Variants in RRAGB observed in about 807,000 individuals in gnomAD.
The protein encoded by RRAGB is ras-related GTP-binding protein B.
Under a neutral mutation model 29.3 loss-of-function variants are expected in RRAGB, and 6 were observed. The ratio of observed to expected loss-of-function variants is 0.21; its 90% CI spans 0.11 to 0.40. The LOEUF is 0.40. Ranked by LOEUF, RRAGB falls within the 10% of genes least tolerant of loss-of-function variation. The pLI is 1.00. For synonymous variants in RRAGB, 101 were observed against 92.5 expected, an observed-to-expected ratio of 1.09 and a Z score of -0.53; for missense variants, 184 against 272.9, an observed-to-expected ratio of 0.67 and a Z score of 2.29.
chrX:55,725,306 T>A (rs778718561), intron 3 of RRAGB, among the ~76,000 whole-genome samples: 1 of 112,089 alleles, frequency 8.9e-6, no homozygotes, highest in African/African-American at 3.2e-5. Context: ...TCACTGTATC[T>A]CCTTACAGGT....
At chrX:55,754,864 T>C (rs978968433) in intron 7 of RRAGB, among the ~76,000 whole-genome samples, 10 of 111,711 alleles carry the variant, frequency 9.0e-5, no homozygotes, top group African/African-American at 3.3e-4. Context: ...TTGCTTGGAA[T>C]TGTGCTACCC....
chrX:55,739,437 G>A (rs934523652), intron 5 of RRAGB, among the ~76,000 whole-genome samples: 1 of 112,309 alleles, frequency 8.9e-6, no homozygotes, highest in Non-Finnish European at 1.9e-5. Context: ...CCCCACTGGG[G>A]TTTCAGGGTA....
intron 3 of RRAGB, among the ~76,000 whole-genome samples, chrX:55,726,116 G>A (rs1350827224): frequency 5.0e-5 from 5 of 100,867 alleles, no homozygotes; most frequent in Admixed American, 1.1e-4. Flanking sequence ...ACAGAAGAGC[G>A]ATATTTTACA....
In RRAGB at chrX:55,748,948, C is replaced by T. The variant is rs1266436170; in HGVS notation, c.517-2153C>T. On this transcript the variant is annotated intron_variant, in intron 5 of 9. Coordinates refer to ENST00000374941, the MANE Select transcript of RRAGB (RefSeq NM_006064.5). ...CCCCCGCCCGGCCAGCTGCCCCGTC[C>T]GGGAGGGAGGTGGGGGAGTCAGCCC... Among the ~76,000 whole-genome samples the T allele has an allele frequency of 1.2e-4, 11 of 93,064 alleles. No individual in the cohort carries two copies. The East Asian group carries it at 2.9e-3, about 24-fold the overall frequency. 80.8% of individuals were successfully genotyped at this position (93,064 alleles called of 115,157 possible).
At chrX:55,749,224 C>T (rs1477731713) in intron 5 of RRAGB, among the ~76,000 whole-genome samples, 2 of 87,675 alleles carry the variant, frequency 2.3e-5, no homozygotes, top group African/African-American at 4.3e-5. Flanking sequence ...CCGCCCCGTC[C>T]GGGAGGTGAG....
intron 7 of RRAGB, among the ~76,000 whole-genome samples, chrX:55,754,282 G>A (rs1456372014): frequency 8.9e-6 from 1 of 112,277 alleles, no homozygotes; most frequent in Non-Finnish European, 1.9e-5. Flanking sequence ...AGGCATGTTG[G>A]TATTTTTATT....
chrX:55,754,585 T>C (rs780830083), intron 7 of RRAGB, among the ~76,000 whole-genome samples: 3 of 112,133 alleles, frequency 2.7e-5, no homozygotes, highest in African/African-American at 6.5e-5. Flanking sequence ...ATCTATATCA[T>C]AGATTTATTG....
intron 7 of RRAGB, chrX:55,755,334 C>G: frequency 1.3e-6 from 1 of 752,088 alleles, no homozygotes; most frequent in Non-Finnish European, 1.6e-6. Flanking sequence ...GTGTGGGTGT[C>G]CATCCTGAAT....
At chrX:55,754,616 A>G (rs1373149856) in intron 7 of RRAGB, among the ~76,000 whole-genome samples, 1 of 112,501 alleles carries the variant, frequency 8.9e-6, no homozygotes, top group Non-Finnish European at 1.9e-5. Context: ...AATGGGACAC[A>G]GGAACATTGA....
chrX:55,749,100 A>G (rs1481248451), intron 5 of RRAGB, among the ~76,000 whole-genome samples: 2 of 91,964 alleles, frequency 2.2e-5, no homozygotes, highest in African/African-American at 8.3e-5. Flanking sequence ...CTCGTCCGGG[A>G]GGTGAGTGGT....
chrX:55,727,226 C>T, intron 3 of RRAGB: 1 of 987,673 alleles, frequency 1.0e-6, no homozygotes, highest in African/African-American at 1.9e-5. Context: ...TGCCCCATGT[C>T]TAAACAGTCA....
At chrX:55,727,579 G>A (rs972520887) in intron 3 of RRAGB, among the ~76,000 whole-genome samples, 1 of 111,457 alleles carries the variant, frequency 9.0e-6, no homozygotes, top group African/African-American at 3.3e-5. Flanking sequence ...AATACCCAGA[G>A]CTTAAGTGAC....
chrX:55,741,388 G>A (rs1025564698), intron 5 of RRAGB, among the ~76,000 whole-genome samples: 9 of 111,783 alleles, frequency 8.1e-5, no homozygotes, highest in African/African-American at 2.9e-4. Context: ...GCTCAAATTT[G>A]CTTTTTGTCT....
At chrX:55,724,107 C>T (rs931063992) in intron 3 of RRAGB, among the ~76,000 whole-genome samples, 11 of 111,873 alleles carry the variant, frequency 9.8e-5, no homozygotes, top group African/African-American at 3.3e-4. Flanking sequence ...GAGTAACTTT[C>T]GTTATGAGGA....
At position 55,718,194 on chromosome X, in the gene RRAGB, A is replaced by T. The variant is rs929044488; in HGVS notation, c.-134A>T. 4 of 412,356 alleles carry T rather than the reference A, an allele frequency of 9.7e-6. No individual in the cohort carries two copies. The highest frequency in any genetic ancestry group is 1.6e-5 in the Non-Finnish European group (4 of 249,852). 34.0% of individuals were successfully genotyped at this position (412,356 alleles called of 1,213,427 possible). A position where few individuals can be genotyped will look rare whatever the true frequency, so the allele number is the denominator to read the frequency against. On this transcript the variant is annotated 5_prime_UTR_variant, in exon 1 of 10. Coordinates refer to ENST00000374941, the MANE Select transcript of RRAGB (RefSeq NM_006064.5). ...CCCAGTGGACAAAGGCGGAGGCAAG[A>T]ATAGAGCAGGCCTGAGGGCCATAGG...
intron 5 of RRAGB, among the ~76,000 whole-genome samples, chrX:55,746,314 A>G (rs1210233544): frequency 2.7e-5 from 3 of 112,237 alleles, no homozygotes; most frequent in Non-Finnish European, 5.6e-5. Context: ...GAACATCATG[A>G]TAACTAGCCA....
At chrX:55,727,318 A>G in intron 3 of RRAGB, 2 of 1,151,550 alleles carry the variant, frequency 1.7e-6, no homozygotes, top group Non-Finnish European at 2.4e-6. Flanking sequence ...ACTAGACCGT[A>G]TACATAGTCT....
At chrX:55,748,636 C>A (rs747883222) in intron 5 of RRAGB, among the ~76,000 whole-genome samples, 1 of 109,516 alleles carries the variant, frequency 9.1e-6, no homozygotes, top group East Asian at 3.0e-4. Flanking sequence ...GCCTGGCAAC[C>A]GCCCCGCCTG....
At chrX:55,749,699 C>T (rs1173629549) in intron 5 of RRAGB, among the ~76,000 whole-genome samples, 3 of 111,184 alleles carry the variant, frequency 2.7e-5, no homozygotes, top group African/African-American at 9.6e-5. Context: ...AAGAAAAATT[C>T]TTCTGCCTTG....
Sources: allele counts gnomAD v4.1 joint callset (sites outside exome capture counted in the v4.1 genomes callset), GRCh38; gene constraint gnomAD v4.1.1; transcripts MANE v1.5; gene names NCBI Gene and HGNC (gene_info 2026-07-23, HGNC 2026-07-21).